The following TACR3 variants were observed in gnomAD, a reference collection of about 807,000 sequenced individuals.
The protein encoded by TACR3 is tachykinin receptor 3.
A neutral mutation model predicts 35.0 loss-of-function variants in TACR3; 34 were observed. That is an observed-to-expected ratio of 0.97 (90% CI 0.74 to 1.30). The LOEUF is 1.30. Ranked by LOEUF, TACR3 falls within the 50% of genes most tolerant of loss-of-function variation. The probability of loss-of-function intolerance (pLI) is 0.00; values close to 1 mark genes in which losing one functional copy is unlikely to be tolerated. For missense variants in TACR3, 558 were observed against 591.7 expected (o/e 0.94, Z 0.59); for synonymous variants, 233 against 221.1 (o/e 1.05, Z -0.48).
At chr4:103,635,152 A>C (rs1725158827) in intron 3 of TACR3, among the ~76,000 whole-genome samples, 1 of 152,000 alleles carries the variant, frequency 6.6e-6, no homozygotes, top group Non-Finnish European at 1.5e-5. Flanking sequence ...AAACTACTAC[A>C]TATAAACATG....
intron 1 of TACR3, among the ~76,000 whole-genome samples, chr4:103,678,688 C>T (rs374496804): frequency 2.6e-5 from 4 of 151,654 alleles, no homozygotes; most frequent in East Asian, 1.9e-4. Context: ...GTGGGTACTA[C>T]GCAGAAAGAT....
At chr4:103,611,655 T>TC (rs2110297528) in intron 3 of TACR3, among the ~76,000 whole-genome samples, 1 of 37,736 alleles carries the variant, frequency 2.6e-5, no homozygotes, top group South Asian at 7.2e-4. Flanking sequence ...AAGCATTTCC[T>TC]TTTTTTTAAC....
At chr4:103,708,725 T>C (rs1314609841) in intron 1 of TACR3, among the ~76,000 whole-genome samples, 1 of 152,154 alleles carries the variant, frequency 6.6e-6, no homozygotes, top group Non-Finnish European at 1.5e-5. Context: ...AGGAGGAAGT[T>C]TGAACCCATC....
intron 3 of TACR3, among the ~76,000 whole-genome samples, chr4:103,639,155 G>T (rs1452483311): frequency 6.6e-6 from 1 of 152,074 alleles, no homozygotes; most frequent in Non-Finnish European, 1.5e-5. Context: ...GTTTATTGCG[G>T]CACTATTCAC....
At chr4:103,688,997 C>T (rs889588773) in intron 1 of TACR3, among the ~76,000 whole-genome samples, 2 of 152,026 alleles carry the variant, frequency 1.3e-5, no homozygotes, top group African/African-American at 2.4e-5. Context: ...TTGGAACCAA[C>T]ACAAATGTCC....
At chr4:103,596,127 C>T (rs1043296386) in intron 3 of TACR3, among the ~76,000 whole-genome samples, 16 of 147,700 alleles carry the variant, frequency 1.1e-4, no homozygotes, top group Admixed American at 4.1e-4. Flanking sequence ...ATATGTGTCA[C>T]GTTTTCTTAA....
chr4:103,668,356 T>C (rs1277850977), intron 1 of TACR3, among the ~76,000 whole-genome samples: 2 of 152,172 alleles, frequency 1.3e-5, no homozygotes, highest in East Asian at 3.9e-4. Flanking sequence ...TACTTACTGA[T>C]AAAATGCTAA....
intron 3 of TACR3, among the ~76,000 whole-genome samples, chr4:103,597,595 C>T (rs1187560461): frequency 6.6e-6 from 1 of 151,892 alleles, no homozygotes; most frequent in Non-Finnish European, 1.5e-5. Context: ...CTAATGCTAT[C>T]CCTCCCCCGT....
intron 3 of TACR3, among the ~76,000 whole-genome samples, chr4:103,604,008 T>C (rs553908068): frequency 1.9e-4 from 29 of 152,268 alleles, no homozygotes; most frequent in African/African-American, 6.3e-4. Flanking sequence ...TCAACTACCA[T>C]TGACTTTCTT....
Position 103,610,383 on chromosome 4 carries a change from G to A in TACR3, c.889-18700C>T, listed in dbSNP as rs909455122. ...TTTCTCTAATAATTAGTGATGTTGA[G>A]CATTGTTTTTCATATACCTGTTAGT... On this transcript the variant is annotated intron_variant, in intron 3 of 4. Coordinates refer to ENST00000304883, the MANE Select transcript of TACR3 (RefSeq NM_001059.3). 3.3e-5 allele frequency among the ~76,000 whole-genome samples: 5 copies of A among 152,054 alleles called. No individual in the cohort carries two copies. In the East Asian group the frequency reaches 9.6e-4, roughly 29 times the overall value.
chr4:103,622,660 C>T (rs1278605503), intron 3 of TACR3, among the ~76,000 whole-genome samples: 1 of 152,098 alleles, frequency 6.6e-6, no homozygotes, highest in East Asian at 1.9e-4. Flanking sequence ...ACCCGGGAAG[C>T]GGAGCTTGCA....
chr4:103,633,418 A>G, intron 3 of TACR3, among the ~76,000 whole-genome samples: 1 of 152,044 alleles, frequency 6.6e-6, no homozygotes, highest in East Asian at 1.9e-4. Flanking sequence ...ATTATTTTAA[A>G]TTTTATTTTT....
At chr4:103,623,238 CTA>C (rs1724822493) in intron 3 of TACR3, among the ~76,000 whole-genome samples, 1 of 151,912 alleles carries the variant, frequency 6.6e-6, no homozygotes, top group African/African-American at 2.4e-5. Flanking sequence ...ACAAATAAAA[CTA>C]TAAACTTTTT....
intron 3 of TACR3, among the ~76,000 whole-genome samples, chr4:103,618,779 G>A (rs1043726272): frequency 6.6e-6 from 1 of 151,926 alleles, no homozygotes; most frequent in African/African-American, 2.4e-5. Flanking sequence ...TTTCAGCAGT[G>A]TTTTGTAGTT....
intron 1 of TACR3, among the ~76,000 whole-genome samples, chr4:103,678,547 T>A (rs995111017): frequency 1.3e-5 from 2 of 152,136 alleles, no homozygotes; most frequent in Admixed American, 1.3e-4. Context: ...AGTTACTTTT[T>A]AAAACTTTAA....
At chr4:103,619,386 C>T (rs1475900285) in intron 3 of TACR3, among the ~76,000 whole-genome samples, 1 of 152,144 alleles carries the variant, frequency 6.6e-6, no homozygotes, top group Non-Finnish European at 1.5e-5. Flanking sequence ...GACAGGGTTT[C>T]ACCATGTTGG....
At chr4:103,689,023 G>T (rs1031410320) in intron 1 of TACR3, among the ~76,000 whole-genome samples, 3 of 151,994 alleles carry the variant, frequency 2.0e-5, no homozygotes, top group African/African-American at 2.4e-5. Context: ...CGATAGACTG[G>T]ATTAAGAAAA....
intron 1 of TACR3, among the ~76,000 whole-genome samples, chr4:103,688,095 A>T (rs1188829871): frequency 6.6e-6 from 1 of 152,166 alleles, no homozygotes; most frequent in Non-Finnish European, 1.5e-5. Context: ...ATAATGCCGC[A>T]TATCTACAAA....
chr4:103,601,112 A>C (rs1296619675), intron 3 of TACR3, among the ~76,000 whole-genome samples: 4 of 152,144 alleles, frequency 2.6e-5, no homozygotes, highest in Non-Finnish European at 1.5e-5. Flanking sequence ...GTTGGTCGCT[A>C]AGGACTTGCT....
Sources: allele counts gnomAD v4.1 joint callset (sites outside exome capture counted in the v4.1 genomes callset), GRCh38; gene constraint gnomAD v4.1.1; transcripts MANE v1.5; gene names NCBI Gene and HGNC (gene_info 2026-07-23, HGNC 2026-07-21).